The following DDAH1 variants were observed in gnomAD, a reference collection of about 807,000 sequenced individuals.
The protein encoded by DDAH1 is N(G),N(G)-dimethylarginine dimethylaminohydrolase 1.
DDAH1 carries 19 observed loss-of-function variants against 28.8 expected under a neutral mutation model. The observed-to-expected ratio is 0.66, with a 90% CI of 0.46 to 0.97. DDAH1 has a LOEUF of 0.97. DDAH1 is among the 50% of genes least tolerant of loss of function. DDAH1 has a pLI of 0.00. For synonymous variants in DDAH1, 153 were observed against 154.4 expected (o/e 0.99, Z 0.07); for missense variants, 326 against 375.9 (o/e 0.87, Z 1.10).
chr1:85,399,155 G>A (rs1195970587), intron 1 of DDAH1: 1 of 152,124 alleles, frequency 6.6e-6, no homozygotes, highest in African/African-American at 2.4e-5. Context: ...TTTAGTTTAT[G>A]GGGATCCTAG....
intron 1 of DDAH1, among the ~76,000 whole-genome samples, chr1:85,421,353 C>T (rs1358154850): frequency 6.6e-6 from 1 of 152,156 alleles, no homozygotes; most frequent in Non-Finnish European, 1.5e-5. Context: ...CTGAGGTCAG[C>T]AGCTTTCTCC....
chr1:85,489,668 A>T (rs189644388), intron 2 of DDAH1, among the ~76,000 whole-genome samples: 1 of 152,212 alleles, frequency 6.6e-6, no homozygotes, highest in African/African-American at 2.4e-5. Flanking sequence ...GATAGAAGGG[A>T]AAAGATGGAC....
upstream of DDAH1, among the ~76,000 whole-genome samples, chr1:85,466,963 G>A (rs902958644): frequency 3.4e-5 from 5 of 146,946 alleles, no homozygotes; most frequent in African/African-American, 5.1e-5. Flanking sequence ...TCGGCCTCCC[G>A]AGTAGCTGGG....
At chr1:85,369,044 C>CCCAG (rs1557534676) in intron 1 of DDAH1, among the ~76,000 whole-genome samples, 1 of 149,506 alleles carries the variant, frequency 6.7e-6, no homozygotes. Context: ...TCCCATGGCT[C>CCCAG]CCAGGGGATT....
intron 2 of DDAH1, among the ~76,000 whole-genome samples, chr1:85,483,377 C>T (rs1176120120): frequency 6.6e-6 from 1 of 152,096 alleles, no homozygotes; most frequent in Non-Finnish European, 1.5e-5. Flanking sequence ...TAAACTTCTG[C>T]CCTCATCAAG....
intron 1 of DDAH1, among the ~76,000 whole-genome samples, chr1:85,372,009 C>CT (rs943569600): frequency 5.6e-4 from 85 of 151,084 alleles, no homozygotes; most frequent in Admixed American, 2.6e-3. Context: ...AATTTTGCTG[C>CT]TTTTTTTTTC....
intron 1 of DDAH1, among the ~76,000 whole-genome samples, chr1:85,507,291 C>T (rs1657049406): frequency 6.6e-6 from 1 of 151,904 alleles, no homozygotes; most frequent in Non-Finnish European, 1.5e-5. Flanking sequence ...TTGCTTCAGC[C>T]CAGGAGCTTG....
intron 1 of DDAH1, among the ~76,000 whole-genome samples, chr1:85,521,115 T>C (rs1657669434): frequency 6.6e-6 from 1 of 152,210 alleles, no homozygotes; most frequent in Non-Finnish European, 1.5e-5. Flanking sequence ...TTTGAAAATA[T>C]CCCACTTCAT....
intron 1 of DDAH1, among the ~76,000 whole-genome samples, chr1:85,523,484 A>G (rs1205387965): frequency 6.6e-6 from 1 of 152,184 alleles, no homozygotes; most frequent in Non-Finnish European, 1.5e-5. Context: ...TGCTTATTTT[A>G]GCATTTTGTA....
chr1:85,380,087 G>T (rs1038137709), intron 1 of DDAH1, among the ~76,000 whole-genome samples: 1 of 152,138 alleles, frequency 6.6e-6, no homozygotes, highest in Admixed American at 6.6e-5. Flanking sequence ...AGTGTATGAA[G>T]TTTTCTTTTT....
chr1:85,421,012 C>T (rs1653118675), intron 1 of DDAH1, among the ~76,000 whole-genome samples: 1 of 152,134 alleles, frequency 6.6e-6, no homozygotes, highest in Non-Finnish European at 1.5e-5. Context: ...ACTGGTGCTT[C>T]ACAAGAGAGA....
At chr1:85,330,765 A>G (rs1277680264) in intron 4 of DDAH1, among the ~76,000 whole-genome samples, 1 of 152,224 alleles carries the variant, frequency 6.6e-6, no homozygotes, top group Admixed American at 6.5e-5. Flanking sequence ...GATTAGATCA[A>G]TTGGTGGTCA....
chr1:85,440,320 T>A (rs1001901469), intron 1 of DDAH1, among the ~76,000 whole-genome samples: 3 of 152,186 alleles, frequency 2.0e-5, no homozygotes, highest in Non-Finnish European at 2.9e-5. Context: ...CTGAGTCAGA[T>A]CTTCAATCTT....
chr1:85,392,770 CAACAG>C (rs1651615640), intron 1 of DDAH1, among the ~76,000 whole-genome samples: 1 of 131,482 alleles, frequency 7.6e-6, no homozygotes, highest in African/African-American at 2.9e-5. Flanking sequence ...TCCAGCCTGG[CAACAG>C]AGCAAGACTC....
At chr1:85,468,414 G>A (rs930356505), upstream of DDAH1, among the ~76,000 whole-genome samples, 5 of 152,074 alleles carry the variant, frequency 3.3e-5, no homozygotes, top group Non-Finnish European at 5.9e-5. Flanking sequence ...ATGGACTTAC[G>A]ATTCCACATA....
chr1:85,389,819 A>G (rs987519420), intron 1 of DDAH1, among the ~76,000 whole-genome samples: 3 of 152,196 alleles, frequency 2.0e-5, no homozygotes, highest in African/African-American at 4.8e-5. Context: ...AATGGAAGCA[A>G]AAAGTGTTAG....
intron 4 of DDAH1, among the ~76,000 whole-genome samples, chr1:85,334,382 C>CA (rs1225664594): frequency 6.6e-6 from 1 of 152,046 alleles, no homozygotes; most frequent in African/African-American, 2.4e-5. Context: ...TGTAAAAAGT[C>CA]AAAGACAAAT....
intron 2 of DDAH1, among the ~76,000 whole-genome samples, chr1:85,490,948 T>C (rs1315008940): frequency 6.6e-6 from 1 of 152,098 alleles, no homozygotes; most frequent in Non-Finnish European, 1.5e-5. Context: ...ACCATTAAAA[T>C]ATTAATTTCT....
intron 4 of DDAH1, among the ~76,000 whole-genome samples, chr1:85,325,334 C>A (rs533451896): frequency 6.7e-6 from 1 of 150,208 alleles, no homozygotes; most frequent in Non-Finnish European, 1.5e-5. Context: ...TAACACCACA[C>A]GTGTGTGCAT....
Sources: gnomAD v4.1 joint callset for allele counts (sites outside exome capture counted in the v4.1 genomes callset) on GRCh38, gnomAD v4.1.1 for gene constraint, MANE v1.5 for transcripts, NCBI Gene and HGNC (gene_info 2026-07-23, HGNC 2026-07-21) for gene names.